The following SCAND3 variants were observed in gnomAD, a reference collection of about 807,000 sequenced individuals.
The protein encoded by SCAND3 is SCAN domain-containing protein 3.
chr6:28,584,618 C>A, the SCAND3 span, among the ~76,000 whole-genome samples: 1 of 152,188 alleles, frequency 6.6e-6, no homozygotes, highest in Non-Finnish European at 1.5e-5. Context: ...TACTTCCAGT[C>A]CTGCTTACTC....
the SCAND3 span, among the ~76,000 whole-genome samples, chr6:28,611,764 C>A: frequency 6.6e-6 from 1 of 152,168 alleles, no homozygotes; most frequent in Middle Eastern, 3.2e-3. Flanking sequence ...TACTTTTAAC[C>A]TATGTTGTGT....
chr6:28,575,224 T>C, the SCAND3 span: 26 of 1,613,880 alleles, frequency 1.6e-5, no homozygotes, highest in Non-Finnish European at 3.4e-6. The surrounding 1 kb of genome is among the most constrained non-coding windows in gnomAD (Gnocchi z 4.2). Context: ...TTCAGTCCAG[T>C]GTGATGAGTT....
the SCAND3 span, among the ~76,000 whole-genome samples, chr6:28,609,999 C>G: frequency 6.6e-6 from 1 of 152,010 alleles, no homozygotes; most frequent in South Asian, 2.1e-4. Flanking sequence ...GTGAGGTGGG[C>G]TGATCACTTG....
the SCAND3 span, among the ~76,000 whole-genome samples, chr6:28,611,324 G>C: frequency 2.0e-5 from 3 of 152,182 alleles, no homozygotes; most frequent in African/African-American, 7.2e-5. Context: ...TCTAGATAAT[G>C]GAGATACTAG....
At chr6:28,575,895 G>T in the SCAND3 span, 2 of 1,613,912 alleles carry the variant, frequency 1.2e-6, no homozygotes, top group South Asian at 2.2e-5. The surrounding 1 kb of genome is among the most constrained non-coding windows in gnomAD (Gnocchi z 4.2). Flanking sequence ...CCAAGCGACG[G>T]TAGTCAACTG....
At chr6:28,575,659 CA>C in the SCAND3 span, 4 of 1,614,016 alleles carry the variant, frequency 2.5e-6, no homozygotes, top group Admixed American at 6.7e-5. The surrounding 1 kb of genome is among the most constrained non-coding windows in gnomAD (Gnocchi z 4.2). Context: ...GCATGGTTTA[CA>C]GAGGGTCAGA....
At chr6:28,589,682 T>C in the SCAND3 span, 4 of 152,040 alleles carry the variant, frequency 2.6e-5, no homozygotes, top group African/African-American at 7.2e-5. Flanking sequence ...GCTGCTCTTA[T>C]CGACTTACGA....
the SCAND3 span, among the ~76,000 whole-genome samples, chr6:28,611,687 T>G: frequency 6.6e-6 from 1 of 152,192 alleles, no homozygotes; most frequent in Non-Finnish European, 1.5e-5. Context: ...AACCTCAAGT[T>G]TAACAATTCC....
At chr6:28,577,591 A>C in the SCAND3 span, among the ~76,000 whole-genome samples, 3 of 152,206 alleles carry the variant, frequency 2.0e-5, no homozygotes, top group Non-Finnish European at 4.4e-5. Flanking sequence ...ATATTAACTA[A>C]AGATAGCATC....
the SCAND3 span, among the ~76,000 whole-genome samples, chr6:28,606,557 A>G: frequency 1.3e-5 from 2 of 152,260 alleles, no homozygotes; most frequent in South Asian, 2.1e-4. Context: ...TTGGCTTAGC[A>G]GGGGACCCTC....
At chr6:28,576,263 T>G in the SCAND3 span, 1 of 703,330 alleles carries the variant, frequency 1.4e-6, no homozygotes, top group Non-Finnish European at 2.3e-6. Context: ...GGGGATACCA[T>G]TTTCTTTCTT....
chr6:28,583,202 T>C, the SCAND3 span, among the ~76,000 whole-genome samples: 1 of 151,714 alleles, frequency 6.6e-6, no homozygotes, highest in Non-Finnish European at 1.5e-5. Context: ...ACCATCCTGG[T>C]TAACACGGTG....
the SCAND3 span, chr6:28,586,448 C>T: frequency 3.7e-6 from 6 of 1,614,222 alleles, no homozygotes; most frequent in Middle Eastern, 1.6e-4. The surrounding 1 kb of genome is among the most constrained non-coding windows in gnomAD (Gnocchi z 4.4). Flanking sequence ...ATTCCAGGAT[C>T]TGCTCCTTGG....
chr6:28,589,835 C>G, the SCAND3 span: 2 of 139,926 alleles, frequency 1.4e-5, no homozygotes, highest in East Asian at 2.2e-4. Flanking sequence ...GGGCGTGTTT[C>G]TTTTGTTTGT....
At chr6:28,575,261 T>C in the SCAND3 span, 1 of 1,614,032 alleles carries the variant, frequency 6.2e-7, no homozygotes, top group Non-Finnish European at 8.5e-7. The surrounding 1 kb of genome is among the most constrained non-coding windows in gnomAD (Gnocchi z 4.2). Flanking sequence ...GAGAAAATCC[T>C]CTTTCGGATA....
the SCAND3 span, among the ~76,000 whole-genome samples, chr6:28,598,605 C>T: frequency 1.3e-5 from 2 of 151,612 alleles, no homozygotes; most frequent in Non-Finnish European, 1.5e-5. Flanking sequence ...TATGATTTTC[C>T]GGTCCGAGGT....
the SCAND3 span, among the ~76,000 whole-genome samples, chr6:28,605,101 G>A: frequency 6.6e-6 from 1 of 152,018 alleles, no homozygotes; most frequent in Non-Finnish European, 1.5e-5. Flanking sequence ...GTTGTTTTTC[G>A]ATTGGTATCT....
chr6:28,582,496 A>C, the SCAND3 span, among the ~76,000 whole-genome samples: 2 of 152,230 alleles, frequency 1.3e-5, no homozygotes, highest in African/African-American at 4.8e-5. This position sits in a 1 kb window ranked among gnomAD's most constrained non-coding sequence, Gnocchi z 4.8. Flanking sequence ...GCAACATAAC[A>C]TATGAATGTA....
At chr6:28,611,896 A>G in the SCAND3 span, among the ~76,000 whole-genome samples, 20 of 152,256 alleles carry the variant, frequency 1.3e-4, no homozygotes, top group African/African-American at 4.8e-4. Flanking sequence ...AGTGTCTTCT[A>G]AATAGGAACA....
Sources: allele counts gnomAD v4.1 joint callset (sites outside exome capture counted in the v4.1 genomes callset), GRCh38; gene constraint gnomAD v4.1.1; non-coding constraint Gnocchi (gnomAD v3.1); transcripts MANE v1.5; gene names NCBI Gene and HGNC (gene_info 2026-07-23, HGNC 2026-07-21).